WNT3: variants seen among roughly 807,000 people sequenced by gnomAD.
WNT3 encodes Wnt family member 3.
A neutral mutation model predicts 34.2 loss-of-function variants in WNT3; 7 were observed. That is an observed-to-expected ratio of 0.20 (90% confidence interval 0.12 to 0.38). The LOEUF is 0.38. Among genes scored for constraint, WNT3 ranks in the 10% least tolerant of loss-of-function variants. The probability of loss-of-function intolerance (pLI) is 1.00; values close to 1 mark genes in which losing one functional copy is unlikely to be tolerated. For synonymous variants in WNT3, 212 were observed against 211.5 expected (o/e 1.00, Z -0.02); for missense variants, 267 against 499.8 (o/e 0.53, Z 4.44).
chr17:46,769,315 CAAAA>C (rs60504646), intron 3 of WNT3, among the ~76,000 whole-genome samples: 5 of 102,848 alleles, frequency 4.9e-5, no homozygotes, highest in Non-Finnish European at 6.1e-5. Flanking sequence ...GACTCCGTCT[CAAAA>C]AAAAAAAAAA....
chr17:46,806,699 C>T (rs925409055), intron 1 of WNT3, among the ~76,000 whole-genome samples: 4 of 152,248 alleles, frequency 2.6e-5, no homozygotes, highest in South Asian at 2.1e-4. Context: ...TTCTCTCCTC[C>T]GAAGTCAGGG....
At chr17:46,767,090 G>A (rs570426497) in intron 4 of WNT3, among the ~76,000 whole-genome samples, 4 of 152,228 alleles carry the variant, frequency 2.6e-5, no homozygotes, top group East Asian at 1.9e-4. Context: ...AGAAAAGGAA[G>A]AAAGGGCACC....
intron 2 of WNT3, among the ~76,000 whole-genome samples, chr17:46,772,333 A>C (rs1451251838): frequency 6.6e-6 from 1 of 152,176 alleles, no homozygotes; most frequent in Non-Finnish European, 1.5e-5. Flanking sequence ...GGTGACTTAA[A>C]ACGTTCAACG....
rs1216046026 is a variant in WNT3, at chr17:46,768,931, A to C, written c.589-132T>G. 5.1e-6 allele frequency: 7 copies of C among 1,379,608 alleles called. No individual in the cohort carries two copies. In the Admixed American group the frequency reaches 9.6e-5, roughly 19 times the overall value. 85.5% of individuals were successfully genotyped at this position (1,379,608 alleles called of 1,614,324 possible). On this transcript the variant is annotated intron_variant, in intron 3 of 4. Coordinates refer to ENST00000225512, the MANE Select transcript of WNT3 (RefSeq NM_030753.5). The surrounding 1 kb of genome is among the most constrained non-coding windows in gnomAD (Gnocchi z 5.0). ...CTCCTCTGTGACAGGAAGAGAACTG[A>C]TGGGGACTGAGGCAAGACCTAAAGA...
chr17:46,786,087 A>G (rs2059503929), intron 1 of WNT3, among the ~76,000 whole-genome samples: 1 of 110,388 alleles, frequency 9.1e-6, no homozygotes, highest in African/African-American at 3.6e-5. Context: ...ATTTCACAGG[A>G]AAGTGAAGTT....
At chr17:46,767,047 T>C (rs1294272100) in intron 4 of WNT3, among the ~76,000 whole-genome samples, 4 of 152,054 alleles carry the variant, frequency 2.6e-5, no homozygotes, top group Non-Finnish European at 4.4e-5. Context: ...CCCATGCTCA[T>C]GCCTCGACAC....
chr17:46,796,318 G>T (rs2084054140), intron 1 of WNT3, among the ~76,000 whole-genome samples: 1 of 152,210 alleles, frequency 6.6e-6, no homozygotes, highest in South Asian at 2.1e-4. Context: ...TGCTAATAAA[G>T]ACCAGTGACA....
Position 46,773,591 on chromosome 17 carries a change from A to C in WNT3, c.322+77T>G, listed in dbSNP as rs1338934733. ...CTGGCTTCAGAGAAGAGGCACCCTG[A>C]CTGGGGTGGAAGGGCATACAGTCCT... On this transcript the variant is annotated intron_variant, in intron 2 of 4. Coordinates refer to ENST00000225512, the MANE Select transcript of WNT3 (RefSeq NM_030753.5). 3 of 1,448,872 alleles carry C rather than the reference A, an allele frequency of 2.1e-6. No individual in the cohort carries two copies. In the African/African-American group the frequency reaches 4.2e-5, roughly 20 times the overall value. The allele number at this position is 1,448,872 out of a possible 1,614,324, so 89.8% of individuals were successfully genotyped here.
chr17:46,773,566 C>G (rs979414448), intron 2 of WNT3, 102 bp downstream of exon 2: 2 of 1,341,996 alleles, frequency 1.5e-6, no homozygotes, highest in African/African-American at 1.5e-5. Context: ...CAGAGGGACC[C>G]TGGCTTCAGA....
At chr17:46,795,914 G>A (rs1321978220) in intron 1 of WNT3, among the ~76,000 whole-genome samples, 3 of 152,002 alleles carry the variant, frequency 2.0e-5, no homozygotes, top group Non-Finnish European at 4.4e-5. Flanking sequence ...GCACACACAC[G>A]TGTGCACACA....
chr17:46,786,101 A>G (rs943996333), intron 1 of WNT3, among the ~76,000 whole-genome samples: 5 of 114,300 alleles, frequency 4.4e-5, no homozygotes, highest in Non-Finnish European at 4.9e-5. Context: ...TGAAGTTGAT[A>G]AGCCTGGAAA....
chr17:46,770,069 G>A, intron 2 of WNT3, 21 bp from the exon 3 acceptor site: 3 of 1,529,718 alleles, frequency 2.0e-6, no homozygotes, highest in Non-Finnish European at 2.6e-6. Context: ...GTCGTGGGGA[G>A]GCAGCACTCA....
chr17:46,770,087 G>C, intron 2 of WNT3, 39 bp from the exon 3 acceptor site: 2 of 1,502,728 alleles, frequency 1.3e-6, no homozygotes, highest in Non-Finnish European at 1.8e-6. Context: ...TCAGGACCCG[G>C]CCTGGGAGCG....
intron 1 of WNT3, among the ~76,000 whole-genome samples, chr17:46,797,502 C>T (rs1457748665): frequency 3.3e-5 from 5 of 152,100 alleles, no homozygotes; most frequent in Middle Eastern, 3.2e-3. Flanking sequence ...TTGCCTCGGG[C>T]GGGAAGAAGG....
chr17:46,789,956 C>T (rs1348808796), intron 1 of WNT3, among the ~76,000 whole-genome samples: 1 of 152,146 alleles, frequency 6.6e-6, no homozygotes, highest in Non-Finnish European at 1.5e-5. Flanking sequence ...TGCGCCTCAT[C>T]CCCCCACGGC....
intron 1 of WNT3, among the ~76,000 whole-genome samples, chr17:46,786,121 G>A (rs2059504299): frequency 6.9e-6 from 1 of 144,840 alleles, no homozygotes; most frequent in Admixed American, 7.2e-5. Flanking sequence ...AAAGGGAGGA[G>A]GGTGCGAGAG....
chr17:46,770,126 G>T, intron 2 of WNT3, 78 bp from the exon 3 acceptor site: 1 of 1,459,114 alleles, frequency 6.9e-7, no homozygotes, highest in South Asian at 1.4e-5. Context: ...CCCAGGCCAG[G>T]ACGTGAGGGG....
intron 4 of WNT3, 119 bp from the exon 5 acceptor site, chr17:46,764,740 G>A (rs1011339893): frequency 8.5e-5 from 13 of 152,286 alleles, no homozygotes; most frequent in African/African-American, 3.1e-4. Flanking sequence ...GCTCAGAGGT[G>A]ATGAGGACTT....
intron 1 of WNT3, among the ~76,000 whole-genome samples, chr17:46,803,709 C>A (rs973371917): frequency 6.6e-6 from 1 of 152,210 alleles, no homozygotes; most frequent in Non-Finnish European, 1.5e-5. Context: ...GAGGCCCCAG[C>A]CACACCCTCA....
Sources: allele counts gnomAD v4.1 joint callset (sites outside exome capture counted in the v4.1 genomes callset), GRCh38; gene constraint gnomAD v4.1.1; non-coding constraint Gnocchi (gnomAD v3.1); transcripts MANE v1.5; gene names NCBI Gene and HGNC (gene_info 2026-07-23, HGNC 2026-07-21).